The following MRPS7 variants were observed in gnomAD, a reference collection of about 807,000 sequenced individuals.
MRPS7 encodes mitochondrial ribosomal protein S7.
MRPS7 carries 13 observed loss-of-function variants against 26.2 expected under a neutral mutation model. The observed-to-expected ratio is 0.50, with a 90% CI of 0.32 to 0.79. The LOEUF is 0.79. MRPS7 is among the 30% of genes least tolerant of loss of function. MRPS7 has a pLI of 0.03. For synonymous variants in MRPS7, 129 were observed against 113.3 expected (o/e 1.14, Z -0.88); for missense variants, 318 against 312.2 (o/e 1.02, Z -0.14).
In MRPS7 at chr17:75,265,960, A is replaced by C. The variant is rs892290289; in HGVS notation, c.*37A>C. 6.3e-7 allele frequency: 1 copy of C among 1,594,902 alleles called. No homozygotes were observed. Among genetic ancestry groups the C allele is most frequent in the Non-Finnish European group, 8.6e-7 (1 of 1,165,866 alleles). ...GGAGCCCAGGGCCCTCTGCCGCAAG[A>C]AACAGTGTGAGCTACTGCCACGCTG... On this transcript the variant is annotated 3_prime_UTR_variant, in exon 5 of 5. Coordinates refer to ENST00000245539, the MANE Select transcript of MRPS7 (RefSeq NM_015971.4).
chr17:75,263,567 T>G, intron 4 of MRPS7, 60 bp downstream of exon 4: 1 of 1,599,956 alleles, frequency 6.3e-7, no homozygotes, highest in South Asian at 1.1e-5. Flanking sequence ...AGATAGGTGG[T>G]GCTTGGGAGT....
Position 75,262,878 on chromosome 17 carries a change from CT to C in MRPS7, c.339+13del. 6.2e-7 allele frequency: 1 copy of C among 1,613,416 alleles called. No individual in the cohort carries two copies. Among genetic ancestry groups the C allele is most frequent in the Non-Finnish European group, 8.5e-7 (1 of 1,179,398 alleles). ...TCCCTCATGATTCAGGTAAACAGCA[CT>C]TCCCTCCTCAGTCATCTTTCTTGCC... is the stretch of plus-strand genomic sequence containing the variant. On this transcript the variant is annotated intron_variant, in intron 3 of 4. Transcript: ENST00000245539.
chr17:75,263,177 G>C, intron 3 of MRPS7, 163 bp from the exon 4 acceptor site: 1 of 804,176 alleles, frequency 1.2e-6, no homozygotes, highest in Non-Finnish European at 1.9e-6. Context: ...TCCTAGTCTA[G>C]CAAAGGGGGA....
At position 75,265,844 on chromosome 17, in the gene MRPS7, G is replaced by T; in HGVS notation, c.650G>T (p.Gly217Val). The T allele has an allele frequency of 6.2e-7, 1 of 1,614,156 alleles. No homozygotes were observed. The highest frequency in any genetic ancestry group is 1.1e-5 in the South Asian group (1 of 91,084). ...CTGCTGGAGGCTTTCCATAACCAGG[G>T]CCCCGTGATCAAGAGGAAGCATGAC... is the stretch of plus-strand genomic sequence containing the variant. Reference protein sequence around the residue: ...HKLLEAFHNQGPVIKRKHDLH... With the variant: ...HKLLEAFHNQVPVIKRKHDLH... The change falls in exon 5 of 5, where the codon GGC becomes GTC. Residue 217 changes from glycine to valine, a missense_variant. Gly to Val is a moderately radical substitution (Grantham distance 109, BLOSUM62 -3). Coordinates refer to ENST00000245539, the MANE Select transcript of MRPS7 (RefSeq NM_015971.4).
At position 75,266,061 on chromosome 17, in the gene MRPS7, T is replaced by C; in HGVS notation, c.*138T>C. On this transcript the variant is annotated 3_prime_UTR_variant, in exon 5 of 5. Transcript: ENST00000245539. ...CTCGTAAGAAAGATGTAGCAGCATA[T>C]TCACTATCCGTTAATCCTTCTTTCT... 1 of 724,060 alleles carries C rather than the reference T, an allele frequency of 1.4e-6. No individual in the cohort carries two copies. The highest frequency in any genetic ancestry group is 2.7e-5 in the East Asian group (1 of 37,056). 44.9% of individuals were successfully genotyped at this position (724,060 alleles called of 1,614,324 possible). A position where few individuals can be genotyped will look rare whatever the true frequency, so the allele number is the denominator to read the frequency against.
chr17:75,263,595 C>CT (rs2077443718), intron 4 of MRPS7, 88 bp downstream of exon 4: 1 of 1,528,540 alleles, frequency 6.5e-7, no homozygotes, highest in Non-Finnish European at 9.0e-7. Flanking sequence ...AGATTGATAG[C>CT]TTTCTAGCTG....
Position 75,265,811 on chromosome 17 carries a change from C to CA in MRPS7, c.618dup (p.His207ThrfsTer9). Reference sequence around the variant, plus strand: ...CGGACACTGATGCCGGAGAAGCTGTCACACAAGCTGCTGGAGGCTTTCCAT... The same window carrying CA: ...CGGACACTGATGCCGGAGAAGCTGTCAACACAAGCTGCTGGAGGCTTTCCAT... On this transcript the variant is annotated frameshift_variant, in exon 5 of 5. Transcript: ENST00000245539. LOFTEE classifies it high-confidence loss of function. 1.2e-6 allele frequency: 2 copies of CA among 1,614,180 alleles called. No homozygotes were observed. The highest frequency in any genetic ancestry group is 2.2e-5 in the East Asian group (1 of 44,890).
In MRPS7 at chr17:75,262,489, C is replaced by CT. The variant is rs1374466007; in HGVS notation, c.84-8_84-7insT. 1 of 1,612,234 alleles carries CT rather than the reference C, an allele frequency of 6.2e-7. No homozygotes were observed. The highest frequency in any genetic ancestry group is 8.5e-7 in the Non-Finnish European group (1 of 1,178,650). ...TTTTGCCTGCCTCCTCCTTTCCCCCCCTCCCAGGCTAACTCAGGTGAGATG... is the reference window on the plus strand; with the variant it reads ...TTTTGCCTGCCTCCTCCTTTCCCCCCTCTCCCAGGCTAACTCAGGTGAGATG... On this transcript the variant is annotated splice_polypyrimidine_tract_variant and splice_region_variant and intron_variant, in intron 1 of 4. Transcript: ENST00000245539.
intron 1 of MRPS7, 119 bp downstream of exon 1, chr17:75,262,102 C>A: frequency 1.6e-6 from 2 of 1,229,368 alleles, no homozygotes; most frequent in South Asian, 2.6e-5. Flanking sequence ...TGGATTCAAG[C>A]TTCTAAGTTA....
rs138869532 is a variant in MRPS7 at position 75,264,837 on chromosome 17, G to A, written c.508-865G>A. On this transcript the variant is annotated intron_variant, in intron 4 of 4. Coordinates refer to ENST00000245539, the MANE Select transcript of MRPS7 (RefSeq NM_015971.4). ...CAAGTAGCTGGGATTACAGGTGGCC[G>A]CCACCATGCCCAGCTAATTTTTTTG... is the stretch of plus-strand genomic sequence containing the variant. Among the ~76,000 whole-genome samples the A allele has an allele frequency of 6.6e-3, 1,002 of 151,356 alleles. 18 individuals carry two copies. The highest frequency in any genetic ancestry group is 0.023 in the African/African-American group (953 of 41,310).
chr17:75,262,397 C>T, intron 1 of MRPS7, 100 bp from the exon 2 acceptor site: 3 of 1,338,186 alleles, frequency 2.2e-6, no homozygotes, highest in Non-Finnish European at 3.1e-6. Flanking sequence ...CCGCGCCGCT[C>T]CCCCTCGTCG....
At position 75,261,989 on chromosome 17, in the gene MRPS7, AG is replaced by A. The variant is rs1341075834; in HGVS notation, c.83+9del. ...GCTGTCTTGCAGCTTCCAGGGTGAG[AG>A]GGTGGCGAGCAGCGGCGGGGGGGCG... is the stretch of plus-strand genomic sequence containing the variant. On this transcript the variant is annotated splice_region_variant and intron_variant, in intron 1 of 4. Coordinates refer to ENST00000245539, the MANE Select transcript of MRPS7 (RefSeq NM_015971.4). 7 of 1,540,824 alleles carry A rather than the reference AG, an allele frequency of 4.5e-6. No individual in the cohort carries two copies. The East Asian group carries it at 9.4e-5, about 21-fold the overall frequency.
At chr17:75,262,451 T>C (rs900229259) in intron 1 of MRPS7, 46 bp from the exon 2 acceptor site, 2 of 1,597,490 alleles carry the variant, frequency 1.3e-6, no homozygotes, top group African/African-American at 2.7e-5. Context: ...ACCTACTCGC[T>C]TGTGGAGTCA....
At chr17:75,262,118 G>A (rs1236104115) in intron 1 of MRPS7, 135 bp downstream of exon 1, 7 of 1,053,234 alleles carry the variant, frequency 6.6e-6, no homozygotes, top group African/African-American at 1.6e-5. Flanking sequence ...AGTTAGCTGC[G>A]TGACCCTGCG....
intron 4 of MRPS7, 200 bp downstream of exon 4, chr17:75,263,707 C>T (rs1408822370): frequency 1.2e-5 from 8 of 667,310 alleles, no homozygotes; most frequent in East Asian, 2.9e-5. Context: ...AGGGAGATCC[C>T]GTCTCTACAA....
chr17:75,265,948 C>G lies in MRPS7; in HGVS notation c.*25C>G. ...GAGTCTCCAGGAGGAGCCCAGGGCCCTCTGCCGCAAGAAACAGTGTGAGCT... is the reference window on the plus strand; with the variant it reads ...GAGTCTCCAGGAGGAGCCCAGGGCCGTCTGCCGCAAGAAACAGTGTGAGCT... On this transcript the variant is annotated 3_prime_UTR_variant, in exon 5 of 5. Transcript: ENST00000245539. 1 of 1,606,398 alleles carries G rather than the reference C, an allele frequency of 6.2e-7. No homozygotes were observed. The highest frequency in any genetic ancestry group is 8.5e-7 in the Non-Finnish European group (1 of 1,174,946).
chr17:75,263,754 A>G, intron 4 of MRPS7: 1 of 487,704 alleles, frequency 2.1e-6, no homozygotes. Context: ...GGTGGTGTGC[A>G]TCTGTGCTCC....
At chr17:75,263,208 T>C in intron 3 of MRPS7, 132 bp from the exon 4 acceptor site, 3 of 1,137,558 alleles carry the variant, frequency 2.6e-6, no homozygotes, top group South Asian at 1.5e-5. Flanking sequence ...AACTTTGTTT[T>C]GGATGTGCTG....
rs760013433 is a variant in MRPS7, at chr17:75,263,452, A to T, written c.452A>T (p.Asn151Ile). 6.2e-7 allele frequency: 1 copy of T among 1,614,040 alleles called. No individual in the cohort carries two copies. The highest frequency in any genetic ancestry group is 1.7e-5 in the Admixed American group (1 of 60,018). ...PYTIFHQALKNCEPMIGLVPI... is the reference protein window; with the variant it reads ...PYTIFHQALKICEPMIGLVPI... ...ACCATCTTCCATCAAGCACTGAAAA[A>T]CTGTGAGCCTATGATTGGGCTGGTA... Residue 151 changes from asparagine to isoleucine, a missense_variant, in exon 4 of 5, where the codon AAC becomes ATC. By Grantham distance (149) the Asn-to-Ile change is moderately radical. Transcript: ENST00000245539.
Sources: gnomAD v4.1 joint callset for allele counts (sites outside exome capture counted in the v4.1 genomes callset) on GRCh38, gnomAD v4.1.1 for gene constraint, MANE v1.5 for transcripts, NCBI Gene and HGNC (gene_info 2026-07-23, HGNC 2026-07-21) for gene names.